Variants in SLC44A5 observed in about 807,000 individuals in gnomAD.
SLC44A5 encodes choline transporter-like protein 5.
SLC44A5 carries 57 observed loss-of-function variants against 101.8 expected under a neutral mutation model. The observed-to-expected ratio is 0.56, with a 90% confidence interval of 0.45 to 0.70. The LOEUF is 0.70. SLC44A5 is among the 30% of genes least tolerant of loss of function. The probability of loss-of-function intolerance (pLI) is 0.00; values close to 1 mark genes in which losing one functional copy is unlikely to be tolerated. For synonymous variants in SLC44A5, 281 were observed against 290.9 expected, an observed-to-expected ratio of 0.97 and a Z score of 0.35; for missense variants, 737 against 853.1, an observed-to-expected ratio of 0.86 and a Z score of 1.70.
At chr1:75,679,386 G>T in the SLC44A5 span, among the ~76,000 whole-genome samples, 1 of 152,142 alleles carries the variant, frequency 6.6e-6, no homozygotes, top group African/African-American at 2.4e-5. Context: ...CCCTCAAAGG[G>T]AAGCCCATCA....
At chr1:75,711,294 T>C in the SLC44A5 span, among the ~76,000 whole-genome samples, 3 of 152,206 alleles carry the variant, frequency 2.0e-5, no homozygotes, top group East Asian at 1.9e-4. Context: ...CAAATTCCCA[T>C]AGAAGCAGAT....
At chr1:75,450,850 T>C (rs1380975711) in intron 2 of SLC44A5, among the ~76,000 whole-genome samples, 6 of 152,184 alleles carry the variant, frequency 3.9e-5, no homozygotes, top group Non-Finnish European at 5.9e-5. Context: ...CCTTCATGCA[T>C]GGGCAGAACT....
intron 3 of SLC44A5, among the ~76,000 whole-genome samples, chr1:75,369,836 A>G (rs1660110705): frequency 6.6e-6 from 1 of 152,210 alleles, no homozygotes; most frequent in Non-Finnish European, 1.5e-5. Flanking sequence ...ATAAAAAACA[A>G]AGATGAAACA....
At chr1:75,245,026 T>C (rs1034208475) in intron 7 of SLC44A5, among the ~76,000 whole-genome samples, 3 of 152,156 alleles carry the variant, frequency 2.0e-5, no homozygotes, top group African/African-American at 4.8e-5. Flanking sequence ...TTTTGGGTTA[T>C]GTACCTGCTG....
At chr1:75,721,298 G>T in the SLC44A5 span, among the ~76,000 whole-genome samples, 1 of 152,164 alleles carries the variant, frequency 6.6e-6, no homozygotes, top group Non-Finnish European at 1.5e-5. Flanking sequence ...CCAACCTGCT[G>T]CCCACAGACC....
At chr1:75,329,261 T>C (rs544761635) in intron 4 of SLC44A5, among the ~76,000 whole-genome samples, 55 of 152,250 alleles carry the variant, frequency 3.6e-4, no homozygotes, top group Middle Eastern at 6.8e-3. Context: ...TCCCTTCTTT[T>C]CACAGACGCT....
At chr1:75,217,752 C>T in intron 18 of SLC44A5, 114 bp downstream of exon 18, 1 of 719,596 alleles carries the variant, frequency 1.4e-6, no homozygotes, top group Non-Finnish European at 2.5e-6. Flanking sequence ...AGAACGGGTC[C>T]CAAATATGCC....
At chr1:75,320,166 C>T (rs1245455531) in intron 4 of SLC44A5, among the ~76,000 whole-genome samples, 2 of 152,048 alleles carry the variant, frequency 1.3e-5, no homozygotes, top group African/African-American at 4.8e-5. Context: ...CAGAAGCGTA[C>T]ATTTAAATTT....
intron 2 of SLC44A5, among the ~76,000 whole-genome samples, chr1:75,408,625 A>G (rs1249789): frequency 0.63 from 95,837 of 151,478 alleles, 31,963 homozygotes; most frequent in East Asian, 0.96. Flanking sequence ...ACCAAACACC[A>G]CATGTTCTCA....
chr1:75,581,433 A>G (rs2102070028), intron 1 of SLC44A5, among the ~76,000 whole-genome samples: 1 of 152,346 alleles, frequency 6.6e-6, no homozygotes, highest in Admixed American at 6.5e-5. Flanking sequence ...GGTAAAATAT[A>G]TAAAAATGCC....
At chr1:75,328,555 A>C (rs944365826) in intron 4 of SLC44A5, among the ~76,000 whole-genome samples, 4 of 152,144 alleles carry the variant, frequency 2.6e-5, no homozygotes, top group African/African-American at 9.7e-5. Context: ...CCCAGCTGCC[A>C]ATTCATTAGG....
At chr1:75,573,430 G>A (rs1003207150) in intron 1 of SLC44A5, among the ~76,000 whole-genome samples, 1 of 152,132 alleles carries the variant, frequency 6.6e-6, no homozygotes, top group Non-Finnish European at 1.5e-5. Context: ...GGGTAGGGAA[G>A]GGTGTGGCTA....
At chr1:75,481,223 C>A (rs1667823598) in intron 2 of SLC44A5, among the ~76,000 whole-genome samples, 1 of 152,186 alleles carries the variant, frequency 6.6e-6, no homozygotes, top group Admixed American at 6.5e-5. Context: ...GAAACTGGAT[C>A]CCTTCCTTAT....
intron 3 of SLC44A5, among the ~76,000 whole-genome samples, chr1:75,376,622 G>C (rs12144953): frequency 0.16 from 24,188 of 151,484 alleles, 3,451 homozygotes; most frequent in East Asian, 0.81. Flanking sequence ...TGAGGGTCCT[G>C]TCTGTTAGAA....
chr1:75,309,814 A>G (rs541747417), intron 4 of SLC44A5, among the ~76,000 whole-genome samples: 5 of 152,324 alleles, frequency 3.3e-5, no homozygotes, highest in African/African-American at 1.2e-4. Flanking sequence ...AACACATAAA[A>G]TGCTGTATCT....
At chr1:75,419,339 CAGAA>C (rs996048273) in intron 2 of SLC44A5, among the ~76,000 whole-genome samples, 26 of 150,936 alleles carry the variant, frequency 1.7e-4, no homozygotes, top group Admixed American at 4.6e-4. Flanking sequence ...AACAGCAAAA[CAGAA>C]AGTAAAATCT....
Position 75,323,983 on chromosome 1 carries a change from C to T in SLC44A5, c.101+15599G>A, listed in dbSNP as rs530416983. On this transcript the variant is annotated intron_variant, in intron 4 of 23. Transcript: ENST00000370859. ...TTCTAACCCCAGCTTCCCTACTGTG[C>T]ACAATGAATAGTTAAGCAGAACATT... is the stretch of plus-strand genomic sequence containing the variant. Among the ~76,000 whole-genome samples the T allele has an allele frequency of 6.6e-5, 10 of 152,274 alleles. No homozygotes were observed. In the South Asian group the frequency reaches 2.1e-3, roughly 32 times the overall value.
intron 3 of SLC44A5, among the ~76,000 whole-genome samples, chr1:75,356,972 A>G (rs1430794466): frequency 1.3e-5 from 2 of 152,182 alleles, no homozygotes; most frequent in Admixed American, 1.3e-4. Flanking sequence ...GTCTACGTAC[A>G]TGCTATGATG....
chr1:75,287,844 AGAG>A (rs1653197258), intron 5 of SLC44A5, among the ~76,000 whole-genome samples: 2 of 152,178 alleles, frequency 1.3e-5, no homozygotes, highest in Admixed American at 1.3e-4. Flanking sequence ...CTACTCTGGC[AGAG>A]GTAGTAAGGG....
Sources: allele counts gnomAD v4.1 joint callset (sites outside exome capture counted in the v4.1 genomes callset), GRCh38; gene constraint gnomAD v4.1.1; transcripts MANE v1.5; gene names NCBI Gene and HGNC (gene_info 2026-07-23, HGNC 2026-07-21).